Variants in PTPRJ observed in about 807,000 individuals in gnomAD.
The protein encoded by PTPRJ is protein tyrosine phosphatase receptor type J.
In PTPRJ, 129 loss-of-function variants were observed where a neutral mutation model predicts 141.3. That is an observed-to-expected ratio of 0.91 (90% confidence interval 0.79 to 1.06). The LOEUF (loss-of-function observed/expected upper bound fraction) is 1.06, where lower values mean the gene tolerates loss of function less well. PTPRJ is among the 50% of genes least tolerant of loss of function. The pLI, the probability that PTPRJ is intolerant of heterozygous loss-of-function variation, is 0.00. For missense variants in PTPRJ, 1,601 were observed against 1,679.7 expected (o/e 0.95, Z 0.82); for synonymous variants, 610 against 640.5 (o/e 0.95, Z 0.72).
chr11:48,054,262 A>G (rs574379712), intron 1 of PTPRJ, among the ~76,000 whole-genome samples: 1 of 152,282 alleles, frequency 6.6e-6, no homozygotes, highest in South Asian at 2.1e-4. Flanking sequence ...ATGGCCAAAC[A>G]AAACATGTCT....
In PTPRJ at chr11:48,134,951, T is replaced by C. The variant is rs530767583; in HGVS notation, c.1616-1088T>C. 2.8e-4 allele frequency among the ~76,000 whole-genome samples: 43 copies of C among 152,286 alleles called. 2 individuals are homozygous for C. The highest frequency in any genetic ancestry group is 3.4e-3 in the Middle Eastern group (1 of 294). ...CATTTCAGTTTTCCTCTTTGGTATG[T>C]AAGGCTGTGTCACGGGAAGATGTTT... On this transcript the variant is annotated intron_variant, in intron 8 of 24. Transcript: ENST00000418331.
At position 48,120,990 on chromosome 11, in the gene PTPRJ, T is replaced by G; in HGVS notation, c.353-13T>G. On this transcript the variant is annotated splice_polypyrimidine_tract_variant and intron_variant, in intron 3 of 24. Coordinates refer to ENST00000418331, the MANE Select transcript of PTPRJ (RefSeq NM_002843.4). ...GAAGTGCAATAATTTTTTTTTTTTT[T>G]TTAACAATATAGGGCCCAGTCCTGT... 6.6e-7 allele frequency: 1 copy of G among 1,514,340 alleles called. No individual in the cohort carries two copies. Among genetic ancestry groups the G allele is most frequent in the African/African-American group, 1.4e-5 (1 of 70,274 alleles). 93.8% of individuals were successfully genotyped at this position (1,514,340 alleles called of 1,614,324 possible).
Position 47,980,855 on chromosome 11 carries a change from C to A in PTPRJ, c.-58C>A, listed in dbSNP as rs1286483283. 30 of 1,078,506 alleles carry A rather than the reference C, an allele frequency of 2.8e-5. No homozygotes were observed. The East Asian group carries it at 1.8e-3, about 66-fold the overall frequency. The allele number at this position is 1,078,506 out of a possible 1,614,324, so 66.8% of individuals were successfully genotyped here. On this transcript the variant is annotated 5_prime_UTR_variant, in exon 1 of 25. Coordinates refer to ENST00000418331, the MANE Select transcript of PTPRJ (RefSeq NM_002843.4). The stretch of plus-strand genomic sequence containing the variant: ...AGGCGGCGACGACGGTGCCCGGGCT[C>A]GGGCGCACGGCGGGGCCCGATTCGC...
Position 47,980,673 on chromosome 11 carries a change from C to A in PTPRJ, c.-240C>A. ...CGCTCCGCCCCGCGAAGCCCCTGCG[C>A]GCTCAGGGACGCGGCCCCCCCGCGG... is the stretch of plus-strand genomic sequence containing the variant. On this transcript the variant is annotated 5_prime_UTR_variant, in exon 1 of 25. Coordinates refer to ENST00000418331, the MANE Select transcript of PTPRJ (RefSeq NM_002843.4). The A allele has an allele frequency of 1.0e-6, 1 of 987,380 alleles. No homozygotes were observed. Among genetic ancestry groups the A allele is most frequent in the Non-Finnish European group, 1.2e-6 (1 of 832,542 alleles). The allele number at this position is 987,380 out of a possible 1,614,324, so 61.2% of individuals were successfully genotyped here. A position where few individuals can be genotyped will look rare whatever the true frequency, so the allele number is the denominator to read the frequency against.
chr11:47,991,178 T>C (rs1854184051), intron 1 of PTPRJ, among the ~76,000 whole-genome samples: 2 of 152,242 alleles, frequency 1.3e-5, no homozygotes, highest in South Asian at 4.1e-4. Context: ...TTGACAAACG[T>C]GCATAGTTAA....
chr11:47,981,515 C>G (rs978517493), intron 1 of PTPRJ, among the ~76,000 whole-genome samples: 1 of 152,178 alleles, frequency 6.6e-6, no homozygotes, highest in Admixed American at 6.5e-5. Context: ...GGGCGAGGCG[C>G]GGGACTCCGG....
chr11:48,159,779 T>A, intron 21 of PTPRJ, 151 bp from the exon 22 acceptor site: 1 of 918,184 alleles, frequency 1.1e-6, no homozygotes, highest in Non-Finnish European at 1.6e-6. Flanking sequence ...TAAAATAAAA[T>A]AAAAAAATTC....
intron 1 of PTPRJ, among the ~76,000 whole-genome samples, chr11:48,023,739 A>G (rs1358730380): frequency 1.3e-5 from 2 of 152,062 alleles, no homozygotes; most frequent in African/African-American, 4.8e-5. Context: ...CCGAGATCAC[A>G]CCATTGTACT....
intron 1 of PTPRJ, among the ~76,000 whole-genome samples, chr11:48,103,833 A>C (rs567371013): frequency 3.3e-5 from 5 of 152,328 alleles, no homozygotes; most frequent in African/African-American, 1.2e-4. Context: ...CAAAGTCCAC[A>C]CAGCCTCACC....
intron 1 of PTPRJ, among the ~76,000 whole-genome samples, chr11:48,003,667 T>C (rs141290626): frequency 0.031 from 4,759 of 152,224 alleles, 104 homozygotes; most frequent in Non-Finnish European, 0.042. Context: ...AGCTAATTTT[T>C]GTATTTGTAG....
intron 1 of PTPRJ, among the ~76,000 whole-genome samples, chr11:48,025,422 C>G (rs1347315432): frequency 6.6e-6 from 1 of 152,150 alleles, no homozygotes; most frequent in Non-Finnish European, 1.5e-5. Flanking sequence ...GCCTGCTGGC[C>G]TCTGAGCAGT....
At chr11:48,112,339 G>A (rs1335173329) in intron 2 of PTPRJ, among the ~76,000 whole-genome samples, 1 of 152,180 alleles carries the variant, frequency 6.6e-6, no homozygotes, top group Non-Finnish European at 1.5e-5. Context: ...GGGAAAATGG[G>A]GGAATGGAGT....
chr11:48,133,243 T>G (rs1165551033), intron 8 of PTPRJ, among the ~76,000 whole-genome samples: 2 of 152,220 alleles, frequency 1.3e-5, no homozygotes, highest in African/African-American at 4.8e-5. Context: ...TAAGACCAAG[T>G]GCTTAACCAC....
At position 48,137,126 on chromosome 11, in the gene PTPRJ, A is replaced by G. The variant is rs758375546; in HGVS notation, c.1997A>G (p.Asn666Ser). The change falls in exon 10 of 25, where the codon AAT (asparagine) becomes AGT (serine). Residue 666 changes from asparagine to serine, a missense_variant. Transcript: ENST00000418331. ...SYCLLIEKAG[N>S]SSNATQVVTD... The stretch of plus-strand genomic sequence containing the variant: ...TGCCTTCTTATTGAGAAGGCTGGAA[A>G]TTCCAGCAACGCAACACAAGTAGTC... 1.9e-6 allele frequency: 3 copies of G among 1,612,182 alleles called. No individual in the cohort carries two copies. The highest frequency in any genetic ancestry group is 2.5e-6 in the Non-Finnish European group (3 of 1,178,218).
At chr11:48,111,124 A>G (rs1856427293) in intron 2 of PTPRJ, among the ~76,000 whole-genome samples, 1 of 151,774 alleles carries the variant, frequency 6.6e-6, no homozygotes, top group East Asian at 1.9e-4. Flanking sequence ...TAAAAATACC[A>G]AAAAAATTAG....
chr11:48,032,834 G>A (rs1854018510), intron 1 of PTPRJ, among the ~76,000 whole-genome samples: 1 of 152,190 alleles, frequency 6.6e-6, no homozygotes, highest in Non-Finnish European at 1.5e-5. Context: ...ATTCAACACA[G>A]TTTGTTCCAA....
At chr11:48,002,692 T>C (rs959145888) in intron 1 of PTPRJ, among the ~76,000 whole-genome samples, 3 of 152,202 alleles carry the variant, frequency 2.0e-5, no homozygotes, top group African/African-American at 2.4e-5. Flanking sequence ...AAATGCAGAT[T>C]TGTGACTGTG....
intron 12 of PTPRJ, 82 bp from the exon 13 acceptor site, chr11:48,144,593 A>T: frequency 8.8e-7 from 1 of 1,137,916 alleles, no homozygotes; most frequent in Non-Finnish European, 1.3e-6. Flanking sequence ...ATCACCCAAC[A>T]TCACCACCAT....
chr11:48,041,086 AC>A (rs1317249855), intron 1 of PTPRJ, among the ~76,000 whole-genome samples: 2 of 151,820 alleles, frequency 1.3e-5, no homozygotes, highest in Non-Finnish European at 2.9e-5. Flanking sequence ...AGTCCAGTCC[AC>A]CCTGAGTACA....
Sources: gnomAD v4.1 joint callset for allele counts (sites outside exome capture counted in the v4.1 genomes callset) on GRCh38, gnomAD v4.1.1 for gene constraint, MANE v1.5 for transcripts, NCBI Gene and HGNC (gene_info 2026-07-23, HGNC 2026-07-21) for gene names.